The following RALGAPB variants were observed in gnomAD, a reference collection of about 807,000 sequenced individuals.
RALGAPB encodes Ral GTPase activating protein non-catalytic subunit beta, also known as ral GTPase-activating protein subunit beta.
Under a neutral mutation model 161.1 loss-of-function variants are expected in RALGAPB, and 25 were observed. That is an observed-to-expected ratio of 0.16 (90% CI 0.11 to 0.22). RALGAPB has a LOEUF of 0.22. RALGAPB is among the 10% of genes least tolerant of loss of function. The pLI, the probability that RALGAPB is intolerant of heterozygous loss-of-function variation, is 1.00. For synonymous variants in RALGAPB, 629 were observed against 626.1 expected (o/e 1.00, Z -0.07); for missense variants, 1,391 against 1,815.2 (o/e 0.77, Z 4.25).
rs1163106729 is a variant in RALGAPB, at chr20:38,575,987, T to C, written c.*1020T>C. 1 of 152,460 alleles carries C rather than the reference T, an allele frequency of 6.6e-6. No individual in the cohort carries two copies. The highest frequency in any genetic ancestry group is 1.5e-5 in the Non-Finnish European group (1 of 68,042). The allele number at this position is 152,460 out of a possible 1,614,324, so 9.4% of individuals were successfully genotyped here. A position where few individuals can be genotyped will look rare whatever the true frequency, so the allele number is the denominator to read the frequency against. On this transcript the variant is annotated 3_prime_UTR_variant, in exon 30 of 30. Transcript: ENST00000262879. ...AGAGAACTACTGGATTTCCTCATAA[T>C]TGACAAACATGAGTGACCACCTCTT...
chr20:38,530,687 C>G (rs2086626998), intron 13 of RALGAPB, among the ~76,000 whole-genome samples: 2 of 151,484 alleles, frequency 1.3e-5, no homozygotes, highest in African/African-American at 4.9e-5. Flanking sequence ...ACCTCCACCT[C>G]CCAGGTTCAA....
At chr20:38,517,463 A>C (rs1600919749) in intron 7 of RALGAPB, 43 bp from the exon 8 acceptor site, 1 of 1,510,930 alleles carries the variant, frequency 6.6e-7, no homozygotes, top group Non-Finnish European at 8.9e-7. Context: ...ATATATTTTG[A>C]CCTATGAAGA....
At chr20:38,560,616 A>C (rs951514450) in intron 23 of RALGAPB, among the ~76,000 whole-genome samples, 10 of 152,262 alleles carry the variant, frequency 6.6e-5, no homozygotes, top group African/African-American at 2.2e-4. Flanking sequence ...TTTTGCAGCA[A>C]ATCAGTGCAT....
chr20:38,512,759 TTTTA>T (rs774637006), intron 6 of RALGAPB, among the ~76,000 whole-genome samples: 4 of 152,158 alleles, frequency 2.6e-5, no homozygotes, highest in Non-Finnish European at 5.9e-5. Flanking sequence ...TTTTATTTAT[TTTTA>T]TTTATTTATT....
At chr20:38,507,234 A>G (rs2085788935) in intron 5 of RALGAPB, among the ~76,000 whole-genome samples, 1 of 151,976 alleles carries the variant, frequency 6.6e-6, no homozygotes, top group Admixed American at 6.5e-5. Context: ...TTTTCATTTG[A>G]TGTCTGATTC....
intron 1 of RALGAPB, among the ~76,000 whole-genome samples, chr20:38,483,750 T>A (rs1026927811): frequency 2.6e-5 from 4 of 152,202 alleles, no homozygotes; most frequent in Non-Finnish European, 5.9e-5. Flanking sequence ...GCCATGGTGC[T>A]ATCCTGAGAG....
At chr20:38,571,220 A>G (rs2088226406) in intron 28 of RALGAPB, among the ~76,000 whole-genome samples, 1 of 152,064 alleles carries the variant, frequency 6.6e-6, no homozygotes, top group Non-Finnish European at 1.5e-5. Context: ...ATTATTTTGT[A>G]ATAAGAACCA....
rs1568992003 is a variant in RALGAPB, at chr20:38,574,905, C to G, written c.4423C>G (p.Leu1475Val). ...TGTCAACAAGTACCGGAACAAGCAG[C>G]TGGAGCCAGAGTTTTATACTTCACT... ...DIVNKYRNKQ[L>V]EPEFYTSLFQ... The change falls in exon 30 of 30, where the codon CTG becomes GTG. Residue 1475 changes from leucine (L) to valine (V), a missense_variant. Coordinates refer to ENST00000262879, the MANE Select transcript of RALGAPB (RefSeq NM_020336.4). 2 of 1,614,068 alleles carry G rather than the reference C, an allele frequency of 1.2e-6. No homozygotes were observed. Among genetic ancestry groups the G allele is most frequent in the South Asian group, 1.1e-5 (1 of 91,080 alleles).
chr20:38,567,022 C>T, intron 25 of RALGAPB, 74 bp from the exon 26 acceptor site: 1 of 1,530,434 alleles, frequency 6.5e-7, no homozygotes, highest in Middle Eastern at 1.8e-4. Flanking sequence ...GACTGGTGAG[C>T]ATAATTAGTT....
chr20:38,488,591 T>A lies in RALGAPB; in HGVS notation c.159T>A (p.Ser53Arg), dbSNP rs1157056302. 6.2e-7 allele frequency: 1 copy of A among 1,612,718 alleles called. No individual in the cohort carries two copies. Among genetic ancestry groups the A allele is most frequent in the Admixed American group, 1.7e-5 (1 of 59,650 alleles). ...QVLGTPSVAGSENLLKTDKEV... is the reference protein window; with the variant it reads ...QVLGTPSVAGRENLLKTDKEV... The stretch of plus-strand genomic sequence containing the variant: ...TAGGTACCCCTTCAGTGGCTGGTAG[T>A]GAGAATTTGTTAAAAACTGACAAAG... Residue 53 changes from serine to arginine, a missense_variant, in exon 2 of 30, where the codon AGT becomes AGA. Transcript: ENST00000262879.
intron 6 of RALGAPB, among the ~76,000 whole-genome samples, chr20:38,511,887 C>T (rs1468904638): frequency 1.3e-5 from 2 of 152,148 alleles, no homozygotes; most frequent in African/African-American, 4.8e-5. Flanking sequence ...AGGGGCTGCT[C>T]ACTTCCCAGA....
chr20:38,512,111 T>C (rs1029297806), intron 6 of RALGAPB, among the ~76,000 whole-genome samples: 1 of 152,270 alleles, frequency 6.6e-6, no homozygotes, highest in Non-Finnish European at 1.5e-5. Flanking sequence ...TTCTAGGTAT[T>C]TGTTGCTGAT....
At position 38,516,275 on chromosome 20, in the gene RALGAPB, C is replaced by T. The variant is rs199965790; in HGVS notation, c.956C>T (p.Pro319Leu). Residue 319 changes from proline to leucine, a missense_variant, in exon 7 of 30, where the codon CCG becomes CTG. Pro to Leu is a moderately conservative substitution (Grantham distance 98). Transcript: ENST00000262879. ...QEQFLNVSGM[P>L]QELNQYPCLK... ...CAGTTCTTGAATGTGAGCGGAATGC[C>T]GCAAGAATTGAATCAGTATCCCTGC... 71 of 1,613,508 alleles carry T rather than the reference C, an allele frequency of 4.4e-5. 1 individual carries two copies. In the East Asian group the frequency reaches 4.7e-4, roughly 11 times the overall value.
At chr20:38,497,256 A>C in intron 3 of RALGAPB, 97 bp from the exon 4 acceptor site, 1 of 1,133,970 alleles carries the variant, frequency 8.8e-7, no homozygotes, top group Middle Eastern at 2.8e-4. Context: ...AGGGAGCTTC[A>C]TTGGACCACT....
At chr20:38,498,074 A>AG (rs1325316868) in intron 4 of RALGAPB, among the ~76,000 whole-genome samples, 1 of 142,912 alleles carries the variant, frequency 7.0e-6, no homozygotes, top group Non-Finnish European at 1.6e-5. Context: ...TGTCTCAAAA[A>AG]AAAAAAAAAA....
chr20:38,504,901 G>A (rs1387599498), intron 5 of RALGAPB, among the ~76,000 whole-genome samples: 1 of 152,016 alleles, frequency 6.6e-6, no homozygotes, highest in Non-Finnish European at 1.5e-5. Context: ...AGGCAGAATG[G>A]GTATTATTAA....
chr20:38,497,306 C>G, intron 3 of RALGAPB, 47 bp from the exon 4 acceptor site: 1 of 1,571,624 alleles, frequency 6.4e-7, no homozygotes, highest in African/African-American at 1.4e-5. Context: ...GAAGCTGTTG[C>G]TGTCTCTCCT....
At chr20:38,474,361 C>T (rs1056947274) in intron 1 of RALGAPB, among the ~76,000 whole-genome samples, 1 of 152,152 alleles carries the variant, frequency 6.6e-6, no homozygotes, top group South Asian at 2.1e-4. Flanking sequence ...ATGATCTTGG[C>T]TCACTGCAAC....
At chr20:38,486,780 G>C (rs552993498) in intron 1 of RALGAPB, among the ~76,000 whole-genome samples, 1 of 152,096 alleles carries the variant, frequency 6.6e-6, no homozygotes, top group East Asian at 1.9e-4. Context: ...ATTTTTATTT[G>C]AATATAACAT....
Sources: allele counts gnomAD v4.1 joint callset (sites outside exome capture counted in the v4.1 genomes callset), GRCh38; gene constraint gnomAD v4.1.1; transcripts MANE v1.5; gene names NCBI Gene and HGNC (gene_info 2026-07-23, HGNC 2026-07-21).